ASTN2: variants seen among roughly 807,000 people sequenced by gnomAD.
The protein encoded by ASTN2 is astrotactin 2, also known as astrotactin-2.
A neutral mutation model predicts 139.8 loss-of-function variants in ASTN2; 54 were observed. That is an observed-to-expected ratio of 0.39 (90% CI 0.31 to 0.48). The LOEUF (loss-of-function observed/expected upper bound fraction) is 0.48. Ranked by LOEUF, ASTN2 falls within the 20% of genes least tolerant of loss-of-function variation. The pLI is 0.95. For missense variants in ASTN2, 1,565 were observed against 1,725.1 expected (o/e 0.91, Z 1.64); for synonymous variants, 756 against 719.5 (o/e 1.05, Z -0.81).
intron 20 of ASTN2, among the ~76,000 whole-genome samples, chr9:116,457,841 A>G (rs1848378364): frequency 6.6e-6 from 1 of 152,074 alleles, no homozygotes; most frequent in African/African-American, 2.4e-5. Flanking sequence ...CCGGCTATCC[A>G]AGGAAAGGTA....
At chr9:117,401,829 TTGAC>T (rs533315747) in intron 1 of ASTN2, among the ~76,000 whole-genome samples, 113 of 152,346 alleles carry the variant, frequency 7.4e-4, no homozygotes, top group African/African-American at 2.5e-3. Context: ...TATTCTTCTC[TTGAC>T]TTTTTGTCAA....
chr9:117,171,007 C>T (rs1018028090), intron 3 of ASTN2, among the ~76,000 whole-genome samples: 8 of 152,026 alleles, frequency 5.3e-5, no homozygotes, highest in East Asian at 1.9e-4. Flanking sequence ...TGCTGGGAAC[C>T]GCATCATTAC....
chr9:116,647,977 C>T (rs1334791126), intron 17 of ASTN2, among the ~76,000 whole-genome samples: 1 of 151,590 alleles, frequency 6.6e-6, no homozygotes, highest in African/African-American at 2.4e-5. Flanking sequence ...CAGGTGTGCA[C>T]CACCACACCA....
intron 13 of ASTN2, among the ~76,000 whole-genome samples, chr9:116,785,409 A>G (rs1013676687): frequency 4.6e-5 from 7 of 152,210 alleles, no homozygotes; most frequent in Non-Finnish European, 7.3e-5. Flanking sequence ...GCTTCCTGAC[A>G]TCACCATAAG....
chr9:116,961,622 T>C (rs1835877289), intron 10 of ASTN2, among the ~76,000 whole-genome samples: 1 of 152,214 alleles, frequency 6.6e-6, no homozygotes, highest in Non-Finnish European at 1.5e-5. Flanking sequence ...CTTCCATGTT[T>C]AGCTATTGTG....
At chr9:116,717,238 A>G (rs547630227) in intron 16 of ASTN2, among the ~76,000 whole-genome samples, 3 of 152,364 alleles carry the variant, frequency 2.0e-5, no homozygotes, top group Middle Eastern at 3.4e-3. Context: ...GTATGCACCA[A>G]TAGGAAGAAG....
chr9:117,331,304 C>T lies in ASTN2; in HGVS notation c.443-39791G>A, dbSNP rs573970479. On this transcript the variant is annotated intron_variant, in intron 1 of 22. Transcript: ENST00000313400. Reference sequence around the variant, plus strand: ...CCTGCCTTCCTCTTTCCCTTCTGTTCTTTGCATGAAGGTCACTAACCAATG... The same window carrying T: ...CCTGCCTTCCTCTTTCCCTTCTGTTTTTTGCATGAAGGTCACTAACCAATG... 3.7e-4 allele frequency among the ~76,000 whole-genome samples: 57 copies of T among 152,268 alleles called. 1 individual carries two copies. Among genetic ancestry groups the T allele is most frequent in the African/African-American group, 1.3e-3 (56 of 41,566 alleles).
Position 116,558,499 on chromosome 9 carries a change from G to T in ASTN2, c.3355+59825C>A, listed in dbSNP as rs149210364. ...CTGGGGACCAAGAGAGCTTATGGAAGGACATGGGCCATTTCTCAGCAAGAT... is the reference window on the plus strand; with the variant it reads ...CTGGGGACCAAGAGAGCTTATGGAATGACATGGGCCATTTCTCAGCAAGAT... On this transcript the variant is annotated intron_variant, in intron 19 of 22. Coordinates refer to ENST00000313400, the MANE Select transcript of ASTN2 (RefSeq NM_001365068.1). 5.3e-3 allele frequency among the ~76,000 whole-genome samples: 804 copies of T among 152,238 alleles called. 2 individuals are homozygous for T. The highest frequency in any genetic ancestry group is 9.5e-3 in the Non-Finnish European group (645 of 68,018).
chr9:116,644,874 A>C (rs549252428), intron 17 of ASTN2, among the ~76,000 whole-genome samples: 28 of 152,314 alleles, frequency 1.8e-4, no homozygotes, highest in Admixed American at 1.1e-3. Flanking sequence ...ACCTTATCAC[A>C]GTGCCAAAGG....
chr9:117,027,109 C>T (rs1008088474), intron 6 of ASTN2, among the ~76,000 whole-genome samples: 1 of 152,086 alleles, frequency 6.6e-6, no homozygotes, highest in African/African-American at 2.4e-5. Context: ...ACTGAAAGGA[C>T]GGTGATGGCA....
intron 3 of ASTN2, among the ~76,000 whole-genome samples, chr9:117,146,475 GA>G (rs61356397): frequency 0.58 from 69,497 of 120,386 alleles, 17,891 homozygotes; most frequent in East Asian, 0.71. Flanking sequence ...GAAGAGGAGA[GA>G]AAAAAAAAAA....
chr9:117,012,830 C>G (rs2132595342), intron 6 of ASTN2, among the ~76,000 whole-genome samples: 1 of 152,322 alleles, frequency 6.6e-6, no homozygotes, highest in East Asian at 1.9e-4. Context: ...TTGCAAGGCA[C>G]TCCACTCAAG....
intron 20 of ASTN2, among the ~76,000 whole-genome samples, chr9:116,471,368 C>T (rs1335097816): frequency 6.6e-6 from 1 of 152,124 alleles, no homozygotes; most frequent in African/African-American, 2.4e-5. Flanking sequence ...GAATGTTTCC[C>T]AGAAAGAAAT....
At chr9:117,235,402 CA>C (rs1301373617) in intron 2 of ASTN2, among the ~76,000 whole-genome samples, 1 of 152,042 alleles carries the variant, frequency 6.6e-6, no homozygotes, top group African/African-American at 2.4e-5. Flanking sequence ...GATAAGAAAA[CA>C]AAAAGGTTAA....
intron 4 of ASTN2, among the ~76,000 whole-genome samples, chr9:117,104,737 T>C (rs1425933844): frequency 6.6e-6 from 1 of 152,172 alleles, no homozygotes; most frequent in Non-Finnish European, 1.5e-5. Context: ...CTCCTACGCA[T>C]TTAAAAATTC....
intron 16 of ASTN2, among the ~76,000 whole-genome samples, chr9:116,693,470 GCAGCCAGAGTAGAC>G (rs1860676832): frequency 6.6e-6 from 1 of 152,202 alleles, no homozygotes; most frequent in South Asian, 2.1e-4. Flanking sequence ...GAGTCTTAGG[GCAGCCAGAGTAGAC>G]ACAGCTTAAG....
At chr9:116,743,495 T>C (rs1829148701) in intron 13 of ASTN2, among the ~76,000 whole-genome samples, 1 of 152,210 alleles carries the variant, frequency 6.6e-6, no homozygotes, top group South Asian at 2.1e-4. Context: ...AGGCAGAGCT[T>C]GTAGTGAGCC....
chr9:117,114,845 T>A (rs753974136), intron 4 of ASTN2, among the ~76,000 whole-genome samples: 7 of 152,134 alleles, frequency 4.6e-5, no homozygotes, highest in Non-Finnish European at 7.4e-5. Flanking sequence ...TACTCAGAGA[T>A]TAGCATTTTG....
chr9:116,595,542 G>C (rs528351791), intron 19 of ASTN2, among the ~76,000 whole-genome samples: 2 of 152,064 alleles, frequency 1.3e-5, no homozygotes, highest in South Asian at 4.1e-4. Context: ...GGCCAGGCTG[G>C]TTTTGAACTC....
Sources: allele counts gnomAD v4.1 joint callset (sites outside exome capture counted in the v4.1 genomes callset), GRCh38; gene constraint gnomAD v4.1.1; transcripts MANE v1.5; gene names NCBI Gene and HGNC (gene_info 2026-07-23, HGNC 2026-07-21).